The following DECR1 variants were observed in gnomAD, a reference collection of about 807,000 sequenced individuals.
The protein encoded by DECR1 is 2,4-dienoyl-CoA reductase [(3E)-enoyl-CoA-producing], mitochondrial.
DECR1 carries 44 observed loss-of-function variants against 38.8 expected under a neutral mutation model. The ratio of observed to expected loss-of-function variants is 1.13; its 90% CI spans 0.89 to 1.46. The LOEUF is 1.46. Among genes scored for constraint, DECR1 ranks in the 40% most tolerant of loss-of-function variants. DECR1 has a pLI of 0.00. For synonymous variants in DECR1, 148 were observed against 135.2 expected (o/e 1.09, Z -0.66); for missense variants, 428 against 405.5 (o/e 1.06, Z -0.48).
chr8:90,039,569 C>G (rs180704272), intron 6 of DECR1, among the ~76,000 whole-genome samples: 1 of 152,320 alleles, frequency 6.6e-6, no homozygotes, highest in African/African-American at 2.4e-5. Context: ...TGGGTGGGGA[C>G]ACAGAGCCAA....
chr8:90,023,681 C>G (rs964342815), intron 5 of DECR1, among the ~76,000 whole-genome samples: 4 of 151,724 alleles, frequency 2.6e-5, no homozygotes, highest in Admixed American at 6.6e-5. Flanking sequence ...CCTTCATCAG[C>G]TTTGGGAAGT....
intron 1 of DECR1, chr8:90,006,112 A>G (rs1024785223): frequency 1.5e-6 from 1 of 672,428 alleles, no homozygotes; most frequent in Non-Finnish European, 2.7e-6. Flanking sequence ...CCCACCTCCA[A>G]CATTGGGGAT....
chr8:90,009,804 C>T (rs1812839241), intron 1 of DECR1, among the ~76,000 whole-genome samples: 1 of 152,180 alleles, frequency 6.6e-6, no homozygotes, highest in East Asian at 1.9e-4. Context: ...CTGAAAATTT[C>T]AAATTGCCTC....
chr8:90,023,926 T>A (rs916908592), intron 5 of DECR1, among the ~76,000 whole-genome samples: 1 of 152,112 alleles, frequency 6.6e-6, no homozygotes, highest in Non-Finnish European at 1.5e-5. Context: ...GTCCAAGTGT[T>A]CTTATTGTTC....
At chr8:90,019,301 G>A in intron 4 of DECR1, 129 bp downstream of exon 4, 1 of 732,696 alleles carries the variant, frequency 1.4e-6, no homozygotes, top group Non-Finnish European at 2.3e-6. Context: ...GGCTTAGCCT[G>A]GGAAGGTTCT....
intron 1 of DECR1, among the ~76,000 whole-genome samples, chr8:90,012,702 A>G (rs1424459140): frequency 2.0e-5 from 3 of 152,204 alleles, no homozygotes; most frequent in East Asian, 3.8e-4. Flanking sequence ...TACTATAGTG[A>G]TGAATATAAG....
chr8:90,020,759 C>A, intron 4 of DECR1, 150 bp from the exon 5 acceptor site: 1 of 540,426 alleles, frequency 1.9e-6, no homozygotes, highest in Non-Finnish European at 3.0e-6. Context: ...CAGACTCAGA[C>A]TACCAAATCT....
At chr8:90,021,166 T>C (rs1813150705) in intron 5 of DECR1, 110 bp downstream of exon 5, 1 of 747,648 alleles carries the variant, frequency 1.3e-6, no homozygotes. Context: ...CTTGTACAAC[T>C]CACAGTGTAA....
chr8:90,017,781 A>G (rs1170693812), intron 2 of DECR1, among the ~76,000 whole-genome samples: 1 of 152,142 alleles, frequency 6.6e-6, no homozygotes, highest in Non-Finnish European at 1.5e-5. Flanking sequence ...TTTTTTAAGC[A>G]CTATATGGAG....
intron 2 of DECR1, 72 bp downstream of exon 2, chr8:90,017,398 CTG>C (rs1813035675): frequency 8.4e-7 from 1 of 1,185,698 alleles, no homozygotes; most frequent in Admixed American, 2.4e-5. Flanking sequence ...ATTGAAAACA[CTG>C]TTCGCCAGAG....
chr8:90,005,244 T>A (rs915087631), intron 1 of DECR1: 1 of 444,092 alleles, frequency 2.3e-6, no homozygotes, highest in Admixed American at 2.5e-5. Flanking sequence ...CAGGGTATGG[T>A]GGGCTTTTCT....
intron 5 of DECR1, among the ~76,000 whole-genome samples, chr8:90,024,392 T>A (rs1442849008): frequency 6.6e-6 from 1 of 152,194 alleles, no homozygotes; most frequent in Non-Finnish European, 1.5e-5. Flanking sequence ...GTTTCCTGAC[T>A]TTTTAATGAT....
chr8:90,024,956 C>A (rs1229113621), intron 5 of DECR1, among the ~76,000 whole-genome samples: 1 of 152,150 alleles, frequency 6.6e-6, no homozygotes, highest in Non-Finnish European at 1.5e-5. Context: ...CCAGTTTTCC[C>A]AGCACCATTT....
At chr8:90,042,671 T>G (rs963864721) in intron 6 of DECR1, 57 bp from the exon 7 acceptor site, 6 of 1,449,214 alleles carry the variant, frequency 4.1e-6, no homozygotes, top group Non-Finnish European at 4.8e-6. Context: ...CAGTTATTAC[T>G]GTCTTTAACA....
chr8:90,029,011 A>G (rs1407191354), intron 5 of DECR1, among the ~76,000 whole-genome samples: 1 of 152,112 alleles, frequency 6.6e-6, no homozygotes, highest in Non-Finnish European at 1.5e-5. Flanking sequence ...AGTGTTAACT[A>G]TTACTATTAA....
chr8:90,049,520 A>G (rs952008096), intron 8 of DECR1, among the ~76,000 whole-genome samples: 1 of 152,258 alleles, frequency 6.6e-6, no homozygotes, highest in African/African-American at 2.4e-5. Context: ...GCTCAGTAAA[A>G]TTAAAGAGGA....
Position 90,004,652 on chromosome 8 carries a change from T to A in DECR1, c.69+3091T>A, listed in dbSNP as rs186768721. On this transcript the variant is annotated intron_variant, in intron 1 of 9. Transcript: ENST00000220764. ...TAAAACCAACTAGATGTGTTTTCTTTATTTTTTTTAAATCTGGAAGCCTAA... is the reference window on the plus strand; with the variant it reads ...TAAAACCAACTAGATGTGTTTTCTTAATTTTTTTTAAATCTGGAAGCCTAA... Among the ~76,000 whole-genome samples, 30 of 152,370 alleles carry A rather than the reference T, an allele frequency of 2.0e-4. No homozygotes were observed. The East Asian group carries it at 5.8e-3, about 29-fold the overall frequency.
At position 90,052,485 on chromosome 8, in the gene DECR1, C is replaced by A. The variant is rs1226037503; in HGVS notation, c.*588C>A. Among the ~76,000 whole-genome samples, 1 of 152,060 alleles carries A rather than the reference C, an allele frequency of 6.6e-6. No homozygotes were observed. Among genetic ancestry groups the A allele is most frequent in the East Asian group, 1.9e-4 (1 of 5,184 alleles). ...TGCCCTTTTTAAATTCATTATCTAG[C>A]AAGATAGTCAAACTTATAAATAATT... On this transcript the variant is annotated 3_prime_UTR_variant, in exon 10 of 10. Transcript: ENST00000220764.
intron 5 of DECR1, among the ~76,000 whole-genome samples, chr8:90,032,986 G>A (rs1003212324): frequency 1.3e-5 from 2 of 152,132 alleles, no homozygotes; most frequent in African/African-American, 4.8e-5. Context: ...TGCTGGATAC[G>A]CCCTATGTTC....
Sources: gnomAD v4.1 joint callset for allele counts (sites outside exome capture counted in the v4.1 genomes callset) on GRCh38, gnomAD v4.1.1 for gene constraint, MANE v1.5 for transcripts, NCBI Gene and HGNC (gene_info 2026-07-23, HGNC 2026-07-21) for gene names.